The following DLC1 variants were observed in gnomAD, a reference collection of about 807,000 sequenced individuals.
DLC1 encodes rho GTPase-activating protein 7.
Under a neutral mutation model 140.3 loss-of-function variants are expected in DLC1, and 54 were observed. The ratio of observed to expected loss-of-function variants is 0.38; its 90% confidence interval spans 0.31 to 0.48. The LOEUF is 0.48. Among genes scored for constraint, DLC1 ranks in the 20% least tolerant of loss-of-function variants. DLC1 has a pLI of 0.96. For missense variants in DLC1, 2,536 were observed against 1,907.0 expected (o/e 1.33, Z -6.14); for synonymous variants, 986 against 728.1 (o/e 1.35, Z -5.70).
At chr8:13,206,752 C>T (rs1429329995) in intron 5 of DLC1, among the ~76,000 whole-genome samples, 1 of 151,842 alleles carries the variant, frequency 6.6e-6, no homozygotes, top group African/African-American at 2.4e-5. Context: ...GAGTTCTTTA[C>T]AATATTTGAA....
At chr8:13,097,481 C>G (rs908933887) in intron 10 of DLC1, among the ~76,000 whole-genome samples, 7 of 152,014 alleles carry the variant, frequency 4.6e-5, no homozygotes, top group Non-Finnish European at 8.8e-5. Flanking sequence ...CCAGGCTGGT[C>G]TCAAACTCCT....
At chr8:13,138,567 T>C (rs907252473) in intron 5 of DLC1, among the ~76,000 whole-genome samples, 41 of 152,344 alleles carry the variant, frequency 2.7e-4, no homozygotes, top group African/African-American at 9.6e-4. Flanking sequence ...ATTGCAAAAT[T>C]ACAGGGGGGA....
intron 1 of DLC1, among the ~76,000 whole-genome samples, chr8:13,585,344 G>T (rs950064276): frequency 6.6e-6 from 1 of 152,110 alleles, no homozygotes. Context: ...CCAAAGGATT[G>T]CTTGATGCTA....
intron 5 of DLC1, among the ~76,000 whole-genome samples, chr8:13,130,145 C>T (rs915400185): frequency 6.6e-6 from 1 of 152,156 alleles, no homozygotes; most frequent in Non-Finnish European, 1.5e-5. Context: ...CATAAAAATA[C>T]CACTCTGATT....
At chr8:13,341,282 C>G (rs976383270) in intron 4 of DLC1, 2 of 152,168 alleles carry the variant, frequency 1.3e-5, no homozygotes, top group African/African-American at 4.8e-5. Context: ...TGGGAATTGT[C>G]TAGTCTAGAA....
intron 1 of DLC1, among the ~76,000 whole-genome samples, chr8:13,523,927 G>A (rs1802837553): frequency 6.6e-6 from 1 of 151,380 alleles, no homozygotes; most frequent in African/African-American, 2.4e-5. Context: ...TGAAGAGTGA[G>A]GAGAGTATAG....
At chr8:13,125,208 C>T (rs556560544) in intron 5 of DLC1, among the ~76,000 whole-genome samples, 1 of 152,296 alleles carries the variant, frequency 6.6e-6, no homozygotes, top group African/African-American at 2.4e-5. Flanking sequence ...AACTCCTGAC[C>T]TCAAGTGAGC....
chr8:13,560,569 G>C (rs797010327), intron 1 of DLC1, among the ~76,000 whole-genome samples: 5 of 152,242 alleles, frequency 3.3e-5, no homozygotes, highest in African/African-American at 1.2e-4. Context: ...TGTGTAATTA[G>C]CCTTTAATCT....
intron 4 of DLC1, among the ~76,000 whole-genome samples, chr8:13,317,372 G>C (rs1046598197): frequency 4.6e-5 from 7 of 152,130 alleles, no homozygotes; most frequent in African/African-American, 1.7e-4. Context: ...TAAAAGCATA[G>C]ACTTTATAGA....
chr8:13,488,463 C>T (rs565233474), intron 2 of DLC1, among the ~76,000 whole-genome samples: 22 of 151,958 alleles, frequency 1.4e-4, no homozygotes, highest in Non-Finnish European at 2.6e-4. Flanking sequence ...TATGGTGAGC[C>T]CTGAAATTAC....
rs113869860 is a variant in DLC1, at chr8:13,580,322, C to T, written c.-126+24215G>A. ...ATTTTTAGTAGAGACAGGGTTTCGC[C>T]GTGTTAGCCAGGATGGCCTCGATCG... On this transcript the variant is annotated intron_variant, in intron 1 of 1. Coordinates refer to the DLC1 transcript ENST00000631382. Among the ~76,000 whole-genome samples, 682 of 152,174 alleles carry T rather than the reference C, an allele frequency of 4.5e-3. 8 individuals carry two copies. Among genetic ancestry groups the T allele is most frequent in the African/African-American group, 0.016 (646 of 41,530 alleles).
intron 5 of DLC1, among the ~76,000 whole-genome samples, chr8:13,291,710 C>A (rs531656762): frequency 6.6e-6 from 1 of 152,014 alleles, no homozygotes; most frequent in East Asian, 1.9e-4. Context: ...TCTAGAAAAT[C>A]ACAAAAATAT....
intron 2 of DLC1, among the ~76,000 whole-genome samples, chr8:13,436,635 A>G (rs145037124): frequency 2.0e-5 from 3 of 152,314 alleles, no homozygotes; most frequent in African/African-American, 7.2e-5. Context: ...CAGCAACTGG[A>G]CAATGCAGAA....
At chr8:13,141,009 C>T (rs1014072563) in intron 5 of DLC1, among the ~76,000 whole-genome samples, 3 of 152,106 alleles carry the variant, frequency 2.0e-5, no homozygotes, top group Non-Finnish European at 4.4e-5. Flanking sequence ...AATCCCAGCA[C>T]TTTGGGAGGC....
chr8:13,384,381 T>C (rs1362839978), intron 4 of DLC1, among the ~76,000 whole-genome samples: 1 of 122,828 alleles, frequency 8.1e-6, no homozygotes, highest in Non-Finnish European at 1.9e-5. Flanking sequence ...AGCGTGCGCG[T>C]GTGTGTGTAT....
At chr8:13,480,974 G>A (rs1198625956) in intron 2 of DLC1, among the ~76,000 whole-genome samples, 1 of 152,114 alleles carries the variant, frequency 6.6e-6, no homozygotes, top group South Asian at 2.1e-4. Flanking sequence ...GATTGAAAGG[G>A]GTTAGGACCA....
intron 1 of DLC1, among the ~76,000 whole-genome samples, chr8:13,500,539 T>G (rs1169147739): frequency 1.3e-5 from 2 of 152,236 alleles, no homozygotes; most frequent in Non-Finnish European, 2.9e-5. Context: ...AGAAACATTG[T>G]TCTGGCTTGC....
At chr8:13,147,471 G>T (rs1235919503) in intron 5 of DLC1, among the ~76,000 whole-genome samples, 1 of 152,102 alleles carries the variant, frequency 6.6e-6, no homozygotes, top group South Asian at 2.1e-4. Flanking sequence ...CTTTCATACT[G>T]ATTTTCAGAT....
At chr8:13,278,195 A>G (rs1831243657) in intron 5 of DLC1, among the ~76,000 whole-genome samples, 1 of 152,244 alleles carries the variant, frequency 6.6e-6, no homozygotes, top group South Asian at 2.1e-4. Flanking sequence ...CTGCTGATGT[A>G]GACAGACCTC....
Sources: gnomAD v4.1 joint callset for allele counts (sites outside exome capture counted in the v4.1 genomes callset) on GRCh38, gnomAD v4.1.1 for gene constraint, MANE v1.5 for transcripts, NCBI Gene and HGNC (gene_info 2026-07-23, HGNC 2026-07-21) for gene names.